Variants in WASHC5 observed in about 807,000 individuals in gnomAD.
WASHC5 encodes WASH complex subunit 5.
In WASHC5, 101 loss-of-function variants were observed where a neutral mutation model predicts 150.4. The ratio of observed to expected loss-of-function variants is 0.67; its 90% CI spans 0.57 to 0.79. The LOEUF (loss-of-function observed/expected upper bound fraction) is 0.79. Ranked by LOEUF, WASHC5 falls within the 30% of genes least tolerant of loss-of-function variation. The pLI, the probability that WASHC5 is intolerant of heterozygous loss-of-function variation, is 0.00. For synonymous variants in WASHC5, 467 were observed against 491.2 expected, an observed-to-expected ratio of 0.95 and a Z score of 0.65; for missense variants, 1,195 against 1,396.3, an observed-to-expected ratio of 0.86 and a Z score of 2.30.
At position 125,081,709 on chromosome 8, in the gene WASHC5, A is replaced by T. The variant is rs757639369; in HGVS notation, c.470T>A (p.Ile157Asn). The T allele has an allele frequency of 1.9e-6, 3 of 1,612,974 alleles. No individual in the cohort carries two copies. The African/African-American group carries it at 4.0e-5, about 22-fold the overall frequency. ...CATCCTCTCTCTGACTTCTCCTTCA[A>T]TCTTTTGGTCAATGACCAGTAGCAT... is the stretch of plus-strand genomic sequence containing the variant. ...GVMLLVIDQKIEGEVRERMLV... is the reference protein window; with the variant it reads ...GVMLLVIDQKNEGEVRERMLV... The change falls in exon 5 of 29, where the codon ATT becomes AAT. Residue 157 changes from isoleucine (I) to asparagine (N), a missense_variant. Ile to Asn is a moderately radical substitution (Grantham distance 149). Coordinates refer to ENST00000318410, the MANE Select transcript of WASHC5 (RefSeq NM_014846.4).
chr8:125,063,414 G>A, intron 11 of WASHC5, 108 bp downstream of exon 11: 1 of 1,202,092 alleles, frequency 8.3e-7, no homozygotes. Context: ...GAATATCATA[G>A]GATACAATAA....
At chr8:125,047,375 T>A (rs767679387) in intron 19 of WASHC5, 44 bp from the exon 20 acceptor site, 49 of 1,567,918 alleles carry the variant, frequency 3.1e-5, no homozygotes, top group Non-Finnish European at 3.9e-5. Context: ...TTTGATAAGA[T>A]AACCTAGTTA....
chr8:125,079,165 G>A (rs552370838), intron 5 of WASHC5, among the ~76,000 whole-genome samples: 17 of 91,038 alleles, frequency 1.9e-4, no homozygotes, highest in African/African-American at 7.8e-4. Context: ...ATGGAGTCTC[G>A]CTATGTATGT....
chr8:125,046,195 A>T (rs2130031334), intron 20 of WASHC5, among the ~76,000 whole-genome samples: 1 of 152,212 alleles, frequency 6.6e-6, no homozygotes, highest in East Asian at 1.9e-4. Flanking sequence ...AATTCCACCA[A>T]CCCTTCTGCT....
intron 28 of WASHC5, among the ~76,000 whole-genome samples, chr8:125,026,021 T>G (rs1327717088): frequency 6.6e-6 from 1 of 152,190 alleles, no homozygotes; most frequent in Admixed American, 6.5e-5. Flanking sequence ...ATATTACAAA[T>G]GTTTTTTTAA....
At chr8:125,082,619 T>C in intron 3 of WASHC5, 152 bp from the exon 4 acceptor site, 1 of 630,908 alleles carries the variant, frequency 1.6e-6, no homozygotes, top group Non-Finnish European at 2.8e-6. Context: ...AATACAGTCT[T>C]ATAAACTGAT....
chr8:125,034,084 C>T (rs867208396), intron 26 of WASHC5, among the ~76,000 whole-genome samples: 6 of 152,104 alleles, frequency 3.9e-5, no homozygotes, highest in East Asian at 3.9e-4. Flanking sequence ...AAGACTAGAA[C>T]AGGCACTTCG....
At chr8:125,050,687 T>C (rs769782716) in intron 17 of WASHC5, 22 bp from the exon 18 acceptor site, 2 of 1,583,160 alleles carry the variant, frequency 1.3e-6, no homozygotes, top group Admixed American at 3.3e-5. Context: ...TCAAAAGTAT[T>C]AAATGATAGT....
intron 6 of WASHC5, among the ~76,000 whole-genome samples, chr8:125,077,554 C>A (rs1193871764): frequency 6.6e-6 from 1 of 152,134 alleles, no homozygotes; most frequent in African/African-American, 2.4e-5. Flanking sequence ...TAATAAAGAT[C>A]ATGGGGCAAG....
chr8:125,081,536 G>C (rs1817262353), intron 5 of WASHC5, 125 bp downstream of exon 5: 9 of 735,228 alleles, frequency 1.2e-5, no homozygotes, highest in Non-Finnish European at 2.2e-5. Flanking sequence ...ACTGTGCCCG[G>C]CTGAATCGTA....
intron 6 of WASHC5, among the ~76,000 whole-genome samples, chr8:125,077,928 A>G (rs1224286332): frequency 6.6e-6 from 1 of 152,124 alleles, no homozygotes; most frequent in Non-Finnish European, 1.5e-5. Flanking sequence ...CCACCAACAA[A>G]AACCCTCTTA....
At chr8:125,041,669 C>T (rs1377705011) in intron 23 of WASHC5, among the ~76,000 whole-genome samples, 2 of 152,014 alleles carry the variant, frequency 1.3e-5, no homozygotes, top group East Asian at 1.9e-4. Context: ...GTGGCCTTCT[C>T]TAAGAATGAG....
At chr8:125,040,032 T>G (rs976381143) in intron 23 of WASHC5, 134 bp from the exon 24 acceptor site, 7 of 700,096 alleles carry the variant, frequency 1.0e-5, no homozygotes, top group African/African-American at 1.8e-5. Context: ...AAGGATTTCC[T>G]GAACTGATCT....
At chr8:125,075,177 A>G in intron 7 of WASHC5, 66 bp from the exon 8 acceptor site, 1 of 995,434 alleles carries the variant, frequency 1.0e-6, no homozygotes, top group Non-Finnish European at 1.6e-6. Flanking sequence ...GTTGAATACT[A>G]AAGTTATAGA....
At chr8:125,062,145 G>T (rs1816612082) in intron 11 of WASHC5, among the ~76,000 whole-genome samples, 1 of 152,164 alleles carries the variant, frequency 6.6e-6, no homozygotes, top group South Asian at 2.1e-4. Flanking sequence ...CTGAGGGGCA[G>T]CGATGGAGTA....
Position 125,057,576 on chromosome 8 carries a change from ACT to A in WASHC5, c.1853_1854del (p.Glu618ValfsTer33). 1.2e-6 allele frequency: 2 copies of A among 1,609,702 alleles called. No individual in the cohort carries two copies. Among genetic ancestry groups the A allele is most frequent in the Non-Finnish European group, 1.7e-6 (2 of 1,176,230 alleles). The part of the protein sequence containing the change: ...LLSVSQYYSG[E>X]LVSYVRKVLQ... ...CTTACTTTTCTCACATAGGATACCA[ACT>A]CTCCAGAATAGTACTGTGACACGCT... On this transcript the variant is annotated frameshift_variant, in exon 15 of 29. Coordinates refer to ENST00000318410, the MANE Select transcript of WASHC5 (RefSeq NM_014846.4). LOFTEE classifies it high-confidence loss of function.
At chr8:125,074,038 A>G (rs1233499056) in intron 8 of WASHC5, among the ~76,000 whole-genome samples, 1 of 152,242 alleles carries the variant, frequency 6.6e-6, no homozygotes, top group Non-Finnish European at 1.5e-5. Flanking sequence ...ACCTTAGTAT[A>G]TCAAAAATGA....
intron 27 of WASHC5, 83 bp downstream of exon 27, chr8:125,032,158 C>G (rs970926694): frequency 3.4e-6 from 5 of 1,470,182 alleles, no homozygotes; most frequent in Non-Finnish European, 4.8e-6. Context: ...TCTATTAGGG[C>G]GATAAGAGGA....
At position 125,088,356 on chromosome 8, in the gene WASHC5, C is replaced by T. The variant is rs144081474; in HGVS notation, c.-125+3259G>A. On this transcript the variant is annotated intron_variant, in intron 1 of 28. Transcript: ENST00000318410. ...AGGAGAATTGCTTAAACCCAGGAGG[C>T]GGAGGTTGCAGTGAACCGAGATTGC... 8.6e-3 allele frequency among the ~76,000 whole-genome samples: 1,228 copies of T among 143,102 alleles called. 21 individuals are homozygous for T. The highest frequency in any genetic ancestry group is 0.029 in the African/African-American group (1,138 of 39,192). 93.9% of individuals were successfully genotyped at this position (143,102 alleles called of 152,430 possible).
Sources: allele counts gnomAD v4.1 joint callset (sites outside exome capture counted in the v4.1 genomes callset), GRCh38; gene constraint gnomAD v4.1.1; transcripts MANE v1.5; gene names NCBI Gene and HGNC (gene_info 2026-07-23, HGNC 2026-07-21).